Variants in VAT1L observed in about 807,000 individuals in gnomAD.
The protein encoded by VAT1L is putative NADPH-dependent quinone oxidoreductase VAT1L.
A neutral mutation model predicts 44.1 loss-of-function variants in VAT1L; 34 were observed. That is an observed-to-expected ratio of 0.77 (90% CI 0.59 to 1.03). VAT1L has a LOEUF of 1.03. Among genes scored for constraint, VAT1L ranks in the 50% least tolerant of loss-of-function variants. VAT1L has a pLI of 0.00. For synonymous variants in VAT1L, 253 were observed against 202.2 expected (o/e 1.25, Z -2.13); for missense variants, 615 against 538.8 (o/e 1.14, Z -1.40).
chr16:77,854,930 T>C (rs749609655), intron 3 of VAT1L, among the ~76,000 whole-genome samples: 2 of 152,306 alleles, frequency 1.3e-5, no homozygotes, highest in South Asian at 2.1e-4. Flanking sequence ...CTTCATACTT[T>C]TTGGGAGATT....
In VAT1L at chr16:77,825,337, A is replaced by G; in HGVS notation, c.455A>G (p.Asp152Gly). 1 of 1,614,210 alleles carries G rather than the reference A, an allele frequency of 6.2e-7. No individual in the cohort carries two copies. Among genetic ancestry groups the G allele is most frequent in the Non-Finnish European group, 8.5e-7 (1 of 1,180,048 alleles). The part of the protein sequence containing the change: ...PVEFVYKIPD[D>G]MSFSEAAAFP... ...GAGTTTGTCTACAAGATCCCGGATG[A>G]CATGAGCTTCTCCGAGGCTGCTGCA... The change falls in exon 3 of 9, where the codon GAC (aspartate) becomes GGC (glycine). Residue 152 changes from aspartate (D) to glycine (G), a missense_variant. Transcript: ENST00000302536.
intron 1 of VAT1L, among the ~76,000 whole-genome samples, chr16:77,802,615 A>AACACAAAC (rs1455679428): frequency 9.8e-5 from 11 of 111,970 alleles, no homozygotes; most frequent in East Asian, 3.2e-4. Context: ...CCCCATCTCA[A>AACACAAAC]ACACACACAC....
chr16:77,878,949 T>C (rs1201150366), intron 5 of VAT1L, among the ~76,000 whole-genome samples: 1 of 152,196 alleles, frequency 6.6e-6, no homozygotes, highest in Non-Finnish European at 1.5e-5. Flanking sequence ...AATAAGACGG[T>C]CATCATGAGA....
rs186187976 is a variant in VAT1L, at chr16:77,936,191, G to A, written c.1078-35659G>A. ...GGGGAGCCATGGCCTGGAATAGCAA[G>A]CTGGACATTCCTGGTTATGTTACTA... is the stretch of plus-strand genomic sequence containing the variant. On this transcript the variant is annotated intron_variant, in intron 7 of 8. Transcript: ENST00000302536. 9.1e-4 allele frequency among the ~76,000 whole-genome samples: 138 copies of A among 152,310 alleles called. 2 individuals are homozygous for A. In the East Asian group the frequency reaches 0.024, roughly 27 times the overall value.
chr16:77,931,970 T>G (rs2017736987), intron 7 of VAT1L, among the ~76,000 whole-genome samples: 1 of 152,136 alleles, frequency 6.6e-6, no homozygotes, highest in African/African-American at 2.4e-5. Flanking sequence ...ACTAAGGGAG[T>G]AGACATGTAT....
At chr16:77,935,512 A>C (rs1181265496) in intron 7 of VAT1L, among the ~76,000 whole-genome samples, 3 of 151,946 alleles carry the variant, frequency 2.0e-5, no homozygotes, top group Non-Finnish European at 2.9e-5. Context: ...AAAAAAAAAA[A>C]AAAACTACCC....
intron 7 of VAT1L, among the ~76,000 whole-genome samples, chr16:77,946,279 C>CGTTTTTTTTTTTTTT (rs1223152362): frequency 2.8e-5 from 2 of 70,422 alleles, no homozygotes; most frequent in African/African-American, 1.1e-4. Flanking sequence ...GTTACTTGTT[C>CGTTTTTTTTTTTTTT]TTTTTTTTTT....
intron 7 of VAT1L, among the ~76,000 whole-genome samples, chr16:77,910,692 A>C (rs988872598): frequency 6.8e-6 from 1 of 146,226 alleles, no homozygotes; most frequent in Non-Finnish European, 1.5e-5. Flanking sequence ...AAAAAAAAAA[A>C]AGAAAGAAAA....
intron 4 of VAT1L, among the ~76,000 whole-genome samples, chr16:77,863,468 G>C (rs1310357346): frequency 6.6e-6 from 1 of 152,228 alleles, no homozygotes; most frequent in African/African-American, 2.4e-5. Flanking sequence ...ACCCAGAAAG[G>C]CCTGGCACTG....
chr16:77,957,657 G>A (rs188956877), intron 7 of VAT1L, among the ~76,000 whole-genome samples: 194 of 151,888 alleles, frequency 1.3e-3, no homozygotes, highest in Admixed American at 3.3e-3. Flanking sequence ...CCCGGGAGGC[G>A]GAGGTTGCAG....
intron 7 of VAT1L, among the ~76,000 whole-genome samples, chr16:77,919,152 A>G (rs1038580085): frequency 6.6e-6 from 1 of 151,948 alleles, no homozygotes; most frequent in Non-Finnish European, 1.5e-5. Context: ...GTGTGCATGC[A>G]TGTGTGTGCA....
In VAT1L at chr16:77,825,227, T is replaced by G. The variant is rs751146907; in HGVS notation, c.364-19T>G. On this transcript the variant is annotated intron_variant, in intron 2 of 8. Transcript: ENST00000302536. ...GTCATGAGGTAGCCTCCACTAACTC[T>G]GTGTTTCCCCATGCCCAGATTGGAG... is the stretch of plus-strand genomic sequence containing the variant. 5.0e-6 allele frequency: 8 copies of G among 1,613,574 alleles called. No individual in the cohort carries two copies.
chr16:77,797,147 T>A (rs984819257), intron 1 of VAT1L, among the ~76,000 whole-genome samples: 1 of 151,834 alleles, frequency 6.6e-6, no homozygotes, highest in Admixed American at 6.6e-5. Flanking sequence ...GGTCTCGCTC[T>A]ATCACCCAGG....
intron 7 of VAT1L, among the ~76,000 whole-genome samples, chr16:77,961,635 C>T (rs187971750): frequency 6.6e-6 from 1 of 152,152 alleles, no homozygotes; most frequent in South Asian, 2.1e-4. Context: ...TTCTCTTAAG[C>T]CCCATACCCA....
intron 4 of VAT1L, among the ~76,000 whole-genome samples, chr16:77,870,644 C>T (rs567321178): frequency 1.3e-5 from 2 of 152,228 alleles, no homozygotes; most frequent in South Asian, 4.1e-4. Flanking sequence ...TCATATAATC[C>T]CCGAGCTGGG....
chr16:77,826,140 G>C (rs1461383595), intron 3 of VAT1L, among the ~76,000 whole-genome samples: 2 of 149,190 alleles, frequency 1.3e-5, no homozygotes, highest in Admixed American at 6.7e-5. Flanking sequence ...CCGGGAGGCA[G>C]AGCTTGCAGT....
intron 7 of VAT1L, among the ~76,000 whole-genome samples, chr16:77,918,663 A>C (rs983376945): frequency 6.6e-6 from 1 of 152,162 alleles, no homozygotes; most frequent in Non-Finnish European, 1.5e-5. Context: ...TTGGTTCTCA[A>C]TATCCAGCTT....
At chr16:77,870,853 A>G (rs1319783632) in intron 4 of VAT1L, among the ~76,000 whole-genome samples, 1 of 152,184 alleles carries the variant, frequency 6.6e-6, no homozygotes, top group Admixed American at 6.5e-5. Flanking sequence ...TGTTCCTCTG[A>G]TGAGCCTTCC....
At chr16:77,805,188 A>G (rs960117170) in intron 1 of VAT1L, among the ~76,000 whole-genome samples, 13 of 152,152 alleles carry the variant, frequency 8.5e-5, no homozygotes, top group African/African-American at 2.9e-4. Context: ...CTGTTCTCAA[A>G]TAAGAGCTGC....
Sources: gnomAD v4.1 joint callset for allele counts (sites outside exome capture counted in the v4.1 genomes callset) on GRCh38, gnomAD v4.1.1 for gene constraint, MANE v1.5 for transcripts, NCBI Gene and HGNC (gene_info 2026-07-23, HGNC 2026-07-21) for gene names.